LRMDA: variants seen among roughly 807,000 people sequenced by gnomAD.
LRMDA encodes the protein leucine-rich melanocyte differentiation-associated protein.
In LRMDA, 18 loss-of-function variants were observed where a neutral mutation model predicts 29.8. The ratio of observed to expected loss-of-function variants is 0.60; its 90% confidence interval spans 0.42 to 0.90. The LOEUF (loss-of-function observed/expected upper bound fraction) is 0.90. Ranked by LOEUF, LRMDA falls within the 40% of genes least tolerant of loss-of-function variation. The pLI, the probability that LRMDA is intolerant of heterozygous loss-of-function variation, is 0.00. For missense variants in LRMDA, 273 were observed against 273.9 expected (o/e 1.00, Z 0.02); for synonymous variants, 125 against 109.4 (o/e 1.14, Z -0.89).
At position 76,041,077 on chromosome 10, in the gene LRMDA, A is replaced by T. The variant is rs186304807; in HGVS notation, c.258+4943A>T. On this transcript the variant is annotated intron_variant, in intron 3 of 6. Transcript: ENST00000611255. ...CCTCAGTTTCTTTATAAAATGGTTA[A>T]CACAAACTTCAGCATATTGTTGAGA... Among the ~76,000 whole-genome samples, 8 of 152,316 alleles carry T rather than the reference A, an allele frequency of 5.3e-5. No individual in the cohort carries two copies. The East Asian group carries it at 1.5e-3, about 29-fold the overall frequency.
chr10:76,033,878 G>A (rs1457600432), intron 2 of LRMDA, among the ~76,000 whole-genome samples: 2 of 151,988 alleles, frequency 1.3e-5, no homozygotes, highest in Non-Finnish European at 2.9e-5. Flanking sequence ...CTTGCTGCAC[G>A]CCTCCTCTGT....
At chr10:75,662,261 A>G (rs926135140) in intron 2 of LRMDA, among the ~76,000 whole-genome samples, 1 of 152,232 alleles carries the variant, frequency 6.6e-6, no homozygotes, top group African/African-American at 2.4e-5. Context: ...TGAAGTAGAG[A>G]TGAAATAAAT....
At chr10:76,552,318 G>A (rs1485492622) in intron 6 of LRMDA, among the ~76,000 whole-genome samples, 2 of 152,236 alleles carry the variant, frequency 1.3e-5, no homozygotes. Context: ...AGCTTAGTTA[G>A]TGGTCAGCAC....
rs372435016 is a variant in LRMDA, at chr10:76,208,402, G to A, written c.517-115999G>A. ...ACCCTAAACTGGAAATTGGCGGGGG[G>A]CAACAGTTTATGAGTATTTTGGGAT... On this transcript the variant is annotated intron_variant, in intron 5 of 6. Coordinates refer to ENST00000611255, the MANE Select transcript of LRMDA (RefSeq NM_001305581.2). 2.5e-4 allele frequency among the ~76,000 whole-genome samples: 38 copies of A among 152,264 alleles called. 1 individual carries two copies. Among genetic ancestry groups the A allele is most frequent in the African/African-American group, 9.1e-4 (38 of 41,548 alleles).
chr10:76,282,334 C>T (rs1223585445), intron 5 of LRMDA, among the ~76,000 whole-genome samples: 4 of 152,234 alleles, frequency 2.6e-5, no homozygotes, highest in African/African-American at 4.8e-5. Context: ...ATAATTTGCT[C>T]GAAATAGATG....
intron 2 of LRMDA, among the ~76,000 whole-genome samples, chr10:75,449,179 G>A (rs1844431225): frequency 6.6e-6 from 1 of 150,406 alleles, no homozygotes; most frequent in South Asian, 2.1e-4. Context: ...AAAAGAAGTC[G>A]TGTTTATTTT....
At chr10:75,996,194 T>C (rs946404032) in intron 2 of LRMDA, among the ~76,000 whole-genome samples, 4 of 152,162 alleles carry the variant, frequency 2.6e-5, no homozygotes, top group Non-Finnish European at 5.9e-5. Context: ...ACATAATTTG[T>C]TTGTTGAGGC....
intron 2 of LRMDA, among the ~76,000 whole-genome samples, chr10:75,692,003 G>A (rs1842164966): frequency 6.6e-6 from 1 of 151,940 alleles, no homozygotes; most frequent in Non-Finnish European, 1.5e-5. Flanking sequence ...AGGAGTTCAA[G>A]ACAGGCTTAG....
chr10:75,580,681 ACAGTAAC>A (rs1380856677), intron 2 of LRMDA, among the ~76,000 whole-genome samples: 1 of 152,222 alleles, frequency 6.6e-6, no homozygotes, highest in African/African-American at 2.4e-5. Flanking sequence ...CTACAAGGCT[ACAGTAAC>A]CAAAACAGCA....
intron 2 of LRMDA, among the ~76,000 whole-genome samples, chr10:75,905,941 C>CT (rs991129327): frequency 2.0e-5 from 3 of 147,266 alleles, no homozygotes; most frequent in African/African-American, 7.6e-5. Context: ...TTTTTTTTTT[C>CT]TTTTTTTTAA....
At chr10:76,336,385 T>C (rs1840969280) in intron 6 of LRMDA, among the ~76,000 whole-genome samples, 1 of 152,206 alleles carries the variant, frequency 6.6e-6, no homozygotes, top group Non-Finnish European at 1.5e-5. Context: ...AGCTCTTTAT[T>C]ATTCTTGTGC....
chr10:75,949,091 T>A (rs1006329800), intron 2 of LRMDA, among the ~76,000 whole-genome samples: 1 of 151,954 alleles, frequency 6.6e-6, no homozygotes, highest in Non-Finnish European at 1.5e-5. Context: ...CTCCTTCTTT[T>A]AAAAAAAATT....
At position 76,360,788 on chromosome 10, in the gene LRMDA, A is replaced by G. The variant is rs74384698; in HGVS notation, c.601+36303A>G. On this transcript the variant is annotated intron_variant, in intron 6 of 6. Transcript: ENST00000611255. Reference sequence around the variant, plus strand: ...AAACCCCCTCCCTCCCTCACCTGCTACAGTTGAACTTTTTCTGTAAGTTAA... The same window carrying G: ...AAACCCCCTCCCTCCCTCACCTGCTGCAGTTGAACTTTTTCTGTAAGTTAA... Among the ~76,000 whole-genome samples the G allele has an allele frequency of 7.6e-3, 1,158 of 152,296 alleles. 29 individuals are homozygous for G. In the East Asian group the frequency reaches 0.084, roughly 11 times the overall value.
At chr10:76,345,234 T>C (rs1413774576) in intron 6 of LRMDA, among the ~76,000 whole-genome samples, 1 of 145,414 alleles carries the variant, frequency 6.9e-6, no homozygotes, top group Non-Finnish European at 1.5e-5. Context: ...GCCCGGCTAA[T>C]TTTTTGTATT....
At chr10:75,918,470 C>T (rs1845971681) in intron 2 of LRMDA, among the ~76,000 whole-genome samples, 2 of 151,888 alleles carry the variant, frequency 1.3e-5, no homozygotes, top group Non-Finnish European at 2.9e-5. Context: ...CAGGAGGTGC[C>T]ACACCCTTTC....
At chr10:76,011,536 G>A (rs928829702) in intron 2 of LRMDA, among the ~76,000 whole-genome samples, 1 of 152,200 alleles carries the variant, frequency 6.6e-6, no homozygotes, top group Non-Finnish European at 1.5e-5. Context: ...TAGTGGAGCA[G>A]ATCTCACCTG....
intron 2 of LRMDA, among the ~76,000 whole-genome samples, chr10:75,952,518 C>T (rs1846593914): frequency 6.6e-6 from 1 of 152,102 alleles, no homozygotes; most frequent in Non-Finnish European, 1.5e-5. Context: ...TCTGATCACA[C>T]ATTACAAAGA....
chr10:76,077,992 ATTTTTTTTTTTTTTTTTTT>A (rs756023731), intron 5 of LRMDA, among the ~76,000 whole-genome samples: 14 of 48,046 alleles, frequency 2.9e-4, no homozygotes, highest in East Asian at 1.8e-3. Context: ...CAATATTAAC[ATTTTTTTTTTTTTTTTTTT>A]TTTTTTTTTT....
At chr10:75,716,566 C>T (rs141439780) in intron 2 of LRMDA, among the ~76,000 whole-genome samples, 1 of 152,310 alleles carries the variant, frequency 6.6e-6, no homozygotes, top group Admixed American at 6.5e-5. Flanking sequence ...AAAGGGGGAA[C>T]TACAACTCTG....
Sources: gnomAD v4.1 joint callset for allele counts (sites outside exome capture counted in the v4.1 genomes callset) on GRCh38, gnomAD v4.1.1 for gene constraint, MANE v1.5 for transcripts, NCBI Gene and HGNC (gene_info 2026-07-23, HGNC 2026-07-21) for gene names.